The following CCDC102B variants were observed in gnomAD, a reference collection of about 807,000 sequenced individuals.
The protein encoded by CCDC102B is coiled-coil domain-containing protein 102B.
A neutral mutation model predicts 57.4 loss-of-function variants in CCDC102B; 75 were observed. The ratio of observed to expected loss-of-function variants is 1.31; its 90% CI spans 1.08 to 1.58. The LOEUF (loss-of-function observed/expected upper bound fraction) is 1.58. Ranked by LOEUF, CCDC102B falls within the 40% of genes most tolerant of loss-of-function variation. The pLI, the probability that CCDC102B is intolerant of heterozygous loss-of-function variation, is 0.00. For missense variants in CCDC102B, 636 were observed against 582.6 expected (o/e 1.09, Z -0.94); for synonymous variants, 206 against 201.9 (o/e 1.02, Z -0.17).
chr18:68,780,021 C>A (rs922934356), intron 2 of CCDC102B, among the ~76,000 whole-genome samples: 1 of 152,092 alleles, frequency 6.6e-6, no homozygotes, highest in Non-Finnish European at 1.5e-5. Flanking sequence ...CACTCCTGAT[C>A]TCTCGCTATC....
intron 6 of CCDC102B, among the ~76,000 whole-genome samples, chr18:68,981,756 G>C (rs1195538446): frequency 6.6e-6 from 1 of 151,932 alleles, no homozygotes; most frequent in East Asian, 1.9e-4. Context: ...TGTTGCTCTA[G>C]AGTGAGTTGG....
At chr18:68,982,191 T>C (rs1156403848) in intron 6 of CCDC102B, among the ~76,000 whole-genome samples, 1 of 151,878 alleles carries the variant, frequency 6.6e-6, no homozygotes, top group Non-Finnish European at 1.5e-5. Context: ...TTAACTGCTG[T>C]AGTTCAAAAC....
At chr18:68,878,213 C>G (rs1456207005) in intron 5 of CCDC102B, among the ~76,000 whole-genome samples, 1 of 152,144 alleles carries the variant, frequency 6.6e-6, no homozygotes, top group Non-Finnish European at 1.5e-5. Flanking sequence ...TCTCTCACCT[C>G]AGCCTCCCAA....
chr18:69,047,834 G>A (rs1046932763), intron 7 of CCDC102B, among the ~76,000 whole-genome samples: 4 of 151,902 alleles, frequency 2.6e-5, no homozygotes, highest in Non-Finnish European at 5.9e-5. Context: ...TAACCAGGGA[G>A]GTAAAATATC....
chr18:68,865,374 AT>A (rs1297850756), intron 4 of CCDC102B, among the ~76,000 whole-genome samples: 2 of 152,060 alleles, frequency 1.3e-5, no homozygotes, highest in Admixed American at 1.3e-4. Context: ...TCATTTTGTT[AT>A]AGGCATCTAC....
intron 6 of CCDC102B, among the ~76,000 whole-genome samples, chr18:69,006,530 C>T (rs1360955823): frequency 1.3e-5 from 2 of 150,996 alleles, no homozygotes; most frequent in Non-Finnish European, 2.9e-5. Flanking sequence ...TCAAGTGATT[C>T]CCTGCCTCAG....
chr18:68,946,565 G>A (rs982532952), intron 6 of CCDC102B, among the ~76,000 whole-genome samples: 1 of 151,884 alleles, frequency 6.6e-6, no homozygotes, highest in African/African-American at 2.4e-5. Flanking sequence ...CTATAAATTA[G>A]AGACGAACAT....
intron 6 of CCDC102B, among the ~76,000 whole-genome samples, chr18:68,989,719 A>G (rs2050814558): frequency 1.3e-5 from 2 of 152,310 alleles, no homozygotes; most frequent in African/African-American, 2.4e-5. Context: ...ATACTTTTTC[A>G]GAGCTGGAAG....
intron 1 of CCDC102B, among the ~76,000 whole-genome samples, chr18:68,809,412 T>C (rs1368872882): frequency 6.6e-6 from 1 of 152,224 alleles, no homozygotes; most frequent in Non-Finnish European, 1.5e-5. Context: ...GTTGGTGTTA[T>C]AGATTATGGA....
intron 3 of CCDC102B, among the ~76,000 whole-genome samples, chr18:68,845,244 A>G (rs901907397): frequency 1.3e-5 from 2 of 151,882 alleles, no homozygotes; most frequent in African/African-American, 4.8e-5. Context: ...TGTAAATGAC[A>G]TTCAATATTG....
At chr18:68,927,753 G>A (rs1006430578) in intron 6 of CCDC102B, among the ~76,000 whole-genome samples, 1 of 151,920 alleles carries the variant, frequency 6.6e-6, no homozygotes, top group East Asian at 1.9e-4. Context: ...GAGAAGAGGG[G>A]TCTTACATAT....
At chr18:68,905,948 C>T (rs891637289) in intron 6 of CCDC102B, among the ~76,000 whole-genome samples, 14 of 151,892 alleles carry the variant, frequency 9.2e-5, no homozygotes, top group South Asian at 2.1e-4. Context: ...CGCCCGCCAC[C>T]ACGCCCGGCT....
chr18:68,834,886 A>G (rs1382283185), intron 1 of CCDC102B, among the ~76,000 whole-genome samples: 2 of 151,984 alleles, frequency 1.3e-5, no homozygotes, highest in African/African-American at 2.4e-5. Context: ...GATTAAATAG[A>G]TGGGTCATAA....
rs541928213 is a variant in CCDC102B, at chr18:68,771,645, G to T, written c.-66-51721G>T. ...AGGAGCGGTAAGGGCTAGAGAGCAT[G>T]GGCCTTGAAATTGTGCAGACATGTG... On this transcript the variant is annotated intron_variant, in intron 2 of 3. Transcript: ENST00000578970. 8.5e-5 allele frequency among the ~76,000 whole-genome samples: 13 copies of T among 152,284 alleles called. No individual in the cohort carries two copies. The East Asian group carries it at 2.3e-3, about 27-fold the overall frequency.
intron 1 of CCDC102B, among the ~76,000 whole-genome samples, chr18:68,806,614 G>A (rs2036041440): frequency 6.6e-6 from 1 of 152,088 alleles, no homozygotes; most frequent in South Asian, 2.1e-4. Flanking sequence ...AAAATTCTCT[G>A]TGGAAAAAGA....
chr18:69,007,438 A>T (rs2051381995), intron 6 of CCDC102B, among the ~76,000 whole-genome samples: 1 of 152,176 alleles, frequency 6.6e-6, no homozygotes, highest in African/African-American at 2.4e-5. Flanking sequence ...TTAAAAAATT[A>T]TTTCCCACTC....
At position 68,783,082 on chromosome 18, in the gene CCDC102B, GTAA is replaced by G. The variant is rs2035062968; in HGVS notation, c.-66-40282_-66-40280del. On this transcript the variant is annotated intron_variant, in intron 2 of 3. Transcript: ENST00000578970. ...TTACTGGCCTCGTTTTGCAGGTGAG[GTAA>G]TTGGTATCCAGTGGAGGTTGGTACG... Among the ~76,000 whole-genome samples the G allele has an allele frequency of 3.9e-5, 6 of 152,112 alleles. No homozygotes were observed. The South Asian group carries it at 1.2e-3, about 32-fold the overall frequency.
At position 68,760,914 on chromosome 18, in the gene CCDC102B, G is replaced by C. The variant is rs112387759; in HGVS notation, c.-67+44320G>C. Among the ~76,000 whole-genome samples the C allele has an allele frequency of 3.2e-3, 485 of 152,102 alleles. 3 individuals carry two copies. The highest frequency in any genetic ancestry group is 5.8e-3 in the Non-Finnish European group (397 of 67,968). On this transcript the variant is annotated intron_variant, in intron 2 of 3. Transcript: ENST00000578970. ...TAAATTTATCTTCATCCTGGAGTAA[G>C]AGCCTCTTAAGTTTATTAAGATACA...
chr18:68,752,627 T>C (rs1029839354), intron 2 of CCDC102B, among the ~76,000 whole-genome samples: 8 of 152,196 alleles, frequency 5.3e-5, no homozygotes, highest in Admixed American at 1.3e-4. Context: ...TTAAACCTTA[T>C]ATAATTAATT....
Sources: gnomAD v4.1 joint callset for allele counts (sites outside exome capture counted in the v4.1 genomes callset) on GRCh38, gnomAD v4.1.1 for gene constraint, MANE v1.5 for transcripts, NCBI Gene and HGNC (gene_info 2026-07-23, HGNC 2026-07-21) for gene names.